Variants in ANO3 observed in about 807,000 individuals in gnomAD.
ANO3 encodes the protein anoctamin 3.
In ANO3, 99 loss-of-function variants were observed where a neutral mutation model predicts 144.8. The observed-to-expected ratio is 0.68, with a 90% CI of 0.58 to 0.81. ANO3 has a LOEUF of 0.81. Ranked by LOEUF, ANO3 falls within the 30% of genes least tolerant of loss-of-function variation. The pLI, the probability that ANO3 is intolerant of heterozygous loss-of-function variation, is 0.00. For missense variants in ANO3, 905 were observed against 1,202.2 expected (o/e 0.75, Z 3.66); for synonymous variants, 414 against 392.6 (o/e 1.05, Z -0.64).
chr11:26,634,967 A>T (rs765889897), intron 19 of ANO3, 46 bp from the exon 20 acceptor site: 2 of 1,515,540 alleles, frequency 1.3e-6, no homozygotes, highest in South Asian at 1.1e-5. Flanking sequence ...GATGTTCTTC[A>T]GTGAACCCCA....
rs1049345591 is a variant in ANO3 at position 26,661,737 on chromosome 11, C to G, written c.*1293C>G. 1 of 151,978 alleles carries G rather than the reference C, an allele frequency of 6.6e-6. No individual in the cohort carries two copies. The highest frequency in any genetic ancestry group is 1.9e-4 in the East Asian group (1 of 5,184). 9.4% of individuals were successfully genotyped at this position (151,978 alleles called of 1,614,324 possible). A position where few individuals can be genotyped will look rare whatever the true frequency, so the allele number is the denominator to read the frequency against. On this transcript the variant is annotated 3_prime_UTR_variant, in exon 27 of 27. Coordinates refer to ENST00000256737, the MANE Select transcript of ANO3 (RefSeq NM_031418.4). The stretch of plus-strand genomic sequence containing the variant: ...CTTTGTTGTGGAATTTCTATTTCAA[C>G]GTCAACTCTGTATCTATGAGTATGT...
At chr11:26,191,953 C>T (rs892085303) in intron 1 of ANO3, among the ~76,000 whole-genome samples, 1 of 152,000 alleles carries the variant, frequency 6.6e-6, no homozygotes, top group African/African-American at 2.4e-5. Context: ...AGTATCACTA[C>T]CCAATTGTTT....
At chr11:26,269,348 G>T (rs1334597881) in intron 1 of ANO3, among the ~76,000 whole-genome samples, 1 of 152,148 alleles carries the variant, frequency 6.6e-6, no homozygotes, top group Non-Finnish European at 1.5e-5. Flanking sequence ...GACGTGGAAG[G>T]CACGTTTTCT....
intron 1 of ANO3, among the ~76,000 whole-genome samples, chr11:26,224,602 T>C (rs969132867): frequency 3.9e-5 from 6 of 152,216 alleles, no homozygotes; most frequent in African/African-American, 1.4e-4. Flanking sequence ...TTTTACTATG[T>C]TGGAATGAAG....
chr11:26,494,436 A>G (rs116904713), intron 4 of ANO3, among the ~76,000 whole-genome samples: 3,406 of 152,214 alleles, frequency 0.022, 64 homozygotes, highest in Non-Finnish European at 0.036. Flanking sequence ...CTGAAACTTT[A>G]TATGTGCACA....
At chr11:26,527,717 T>C (rs1274565001) in intron 7 of ANO3, among the ~76,000 whole-genome samples, 1 of 152,164 alleles carries the variant, frequency 6.6e-6, no homozygotes, top group Non-Finnish European at 1.5e-5. Flanking sequence ...TCATCCCTTC[T>C]CCAGCAGGTT....
At chr11:26,335,236 A>T (rs1037226469) in intron 1 of ANO3, among the ~76,000 whole-genome samples, 1 of 152,204 alleles carries the variant, frequency 6.6e-6, no homozygotes, top group Non-Finnish European at 1.5e-5. Flanking sequence ...AATTATGTCT[A>T]TCTTGCAGAG....
upstream of ANO3, chr11:26,309,455 T>G (rs1854458312): frequency 6.4e-6 from 1 of 155,706 alleles, no homozygotes; most frequent in Non-Finnish European, 1.4e-5. Flanking sequence ...TAGTTTCTAA[T>G]GCAATTTACT....
intron 14 of ANO3, chr11:26,561,231 A>G (rs547542216): frequency 6.3e-6 from 10 of 1,597,284 alleles, no homozygotes; most frequent in Admixed American, 1.7e-5. Flanking sequence ...CAGAACTAAA[A>G]AAGTAACAAA....
intron 14 of ANO3, chr11:26,561,370 T>C: frequency 1.6e-6 from 1 of 635,748 alleles, no homozygotes; most frequent in East Asian, 3.2e-5. Context: ...TTTAAAATTT[T>C]AAATAAGTAG....
At chr11:26,203,672 G>A (rs117872644) in intron 1 of ANO3, among the ~76,000 whole-genome samples, 2,627 of 152,156 alleles carry the variant, frequency 0.017, 39 homozygotes, top group Middle Eastern at 0.045. Flanking sequence ...TTCTAGTATA[G>A]GAAGCACATC....
chr11:26,300,191 T>C (rs564165550), intron 1 of ANO3, among the ~76,000 whole-genome samples: 1 of 151,880 alleles, frequency 6.6e-6, no homozygotes, highest in Non-Finnish European at 1.5e-5. Flanking sequence ...GCGATGCCCA[T>C]GCAAGCACGC....
chr11:26,494,124 T>G (rs577092672), intron 4 of ANO3, among the ~76,000 whole-genome samples: 1 of 152,088 alleles, frequency 6.6e-6, no homozygotes, highest in South Asian at 2.1e-4. Flanking sequence ...CAAAGTCTAT[T>G]TTTGCAGAAA....
At chr11:26,257,559 G>A (rs1049437896) in intron 1 of ANO3, among the ~76,000 whole-genome samples, 1 of 151,920 alleles carries the variant, frequency 6.6e-6, no homozygotes, top group African/African-American at 2.4e-5. Context: ...TCACGTTATG[G>A]AGTCAGCATC....
intron 14 of ANO3, among the ~76,000 whole-genome samples, chr11:26,581,038 A>T (rs1851115452): frequency 6.6e-6 from 1 of 152,198 alleles, no homozygotes; most frequent in Non-Finnish European, 1.5e-5. Flanking sequence ...GAAGTTACAG[A>T]TCATATAGCC....
chr11:26,627,843 G>GTA (rs1565152008), intron 18 of ANO3, among the ~76,000 whole-genome samples: 1 of 140,068 alleles, frequency 7.1e-6, no homozygotes, highest in Non-Finnish European at 1.5e-5. Context: ...GTGTGTGTGT[G>GTA]TGTGTGTGTG....
intron 1 of ANO3, among the ~76,000 whole-genome samples, chr11:26,290,981 G>A (rs78692180): frequency 4.6e-5 from 7 of 152,098 alleles, no homozygotes; most frequent in Admixed American, 1.3e-4. Flanking sequence ...TATCTGTCTC[G>A]TTGATCTGTC....
intron 1 of ANO3, among the ~76,000 whole-genome samples, chr11:26,298,770 G>A (rs975325502): frequency 2.0e-5 from 3 of 152,180 alleles, no homozygotes; most frequent in African/African-American, 7.2e-5. Flanking sequence ...AGAAGTCATG[G>A]TTAGATTTCG....
intron 1 of ANO3, among the ~76,000 whole-genome samples, chr11:26,269,007 T>A (rs1487983508): frequency 1.3e-5 from 2 of 152,006 alleles, no homozygotes; most frequent in Non-Finnish European, 2.9e-5. Context: ...CTCAGAAACA[T>A]TGAGTTATTG....
Sources: allele counts gnomAD v4.1 joint callset (sites outside exome capture counted in the v4.1 genomes callset), GRCh38; gene constraint gnomAD v4.1.1; transcripts MANE v1.5; gene names NCBI Gene and HGNC (gene_info 2026-07-23, HGNC 2026-07-21).